Variants in SHLD1 observed in about 807,000 individuals in gnomAD.
SHLD1 encodes the protein RINN1-REV7-interacting novel NHEJ regulator 3.
A neutral mutation model predicts 5.5 loss-of-function variants in SHLD1; 3 were observed. The ratio of observed to expected loss-of-function variants is 0.54; its 90% CI spans 0.25 to 1.40. The LOEUF (loss-of-function observed/expected upper bound fraction) is 1.40. SHLD1 is among the 40% of genes most tolerant of loss of function. The pLI is 0.15. For missense variants in SHLD1, 210 were observed against 244.4 expected (o/e 0.86, Z 0.94); for synonymous variants, 92 against 94.3 (o/e 0.98, Z 0.14).
chr20:5,763,220 C>T (rs1054270534), intron 1 of SHLD1, among the ~76,000 whole-genome samples: 4 of 141,122 alleles, frequency 2.8e-5, no homozygotes, highest in Non-Finnish European at 6.0e-5. Context: ...GCAGGAGAAT[C>T]GCTTGAACCT....
intron 2 of SHLD1, among the ~76,000 whole-genome samples, chr20:5,826,810 G>T (rs2087670863): frequency 1.3e-5 from 2 of 152,170 alleles, no homozygotes; most frequent in South Asian, 4.1e-4. Context: ...TGGGTTAAAT[G>T]AATTCTGTGA....
At chr20:5,823,216 T>C (rs557996899) in intron 2 of SHLD1, among the ~76,000 whole-genome samples, 1 of 152,158 alleles carries the variant, frequency 6.6e-6, no homozygotes, top group African/African-American at 2.4e-5. Flanking sequence ...GGCTGCTGTT[T>C]CTCATCCTCC....
At chr20:5,860,992 A>C (rs942295958) in intron 2 of SHLD1, among the ~76,000 whole-genome samples, 1 of 151,498 alleles carries the variant, frequency 6.6e-6, no homozygotes, top group Admixed American at 6.6e-5. Flanking sequence ...TTTTTTACAA[A>C]GCGTGTTCTC....
intron 2 of SHLD1, among the ~76,000 whole-genome samples, chr20:5,828,048 T>G (rs1294715): frequency 0.19 from 28,498 of 152,186 alleles, 3,035 homozygotes; most frequent in Non-Finnish European, 0.23. Context: ...AAAGGTGGTG[T>G]TAGTTATAAA....
At chr20:5,808,531 G>A (rs2087415001) in intron 2 of SHLD1, among the ~76,000 whole-genome samples, 1 of 152,124 alleles carries the variant, frequency 6.6e-6, no homozygotes. Context: ...AAGGCAGCTT[G>A]CCATGTTGGT....
intron 1 of SHLD1, among the ~76,000 whole-genome samples, chr20:5,762,469 G>A (rs1020288827): frequency 3.3e-5 from 5 of 152,074 alleles, no homozygotes; most frequent in Non-Finnish European, 4.4e-5. Flanking sequence ...TGATGTAGAG[G>A]GGTGAGCTTT....
intron 2 of SHLD1, among the ~76,000 whole-genome samples, chr20:5,825,116 G>A (rs747584017): frequency 1.3e-5 from 2 of 152,188 alleles, no homozygotes; most frequent in African/African-American, 2.4e-5. Context: ...AACAAGTGTC[G>A]TCGGCTGACT....
intron 2 of SHLD1, among the ~76,000 whole-genome samples, chr20:5,812,074 T>TC (rs1166995876): frequency 6.7e-6 from 1 of 150,072 alleles, no homozygotes. Flanking sequence ...TTTTTCTTTT[T>TC]TTTTTCTTTT....
intron 2 of SHLD1, among the ~76,000 whole-genome samples, chr20:5,841,193 G>A (rs1427084694): frequency 6.6e-6 from 1 of 151,826 alleles, no homozygotes; most frequent in African/African-American, 2.4e-5. Context: ...GTGTGTGTGT[G>A]TGTGTGTGTG....
At chr20:5,846,458 C>T (rs2087933938) in intron 2 of SHLD1, among the ~76,000 whole-genome samples, 1 of 152,216 alleles carries the variant, frequency 6.6e-6, no homozygotes, top group Non-Finnish European at 1.5e-5. Flanking sequence ...AGCAATGTTG[C>T]CATAGCAACC....
chr20:5,842,977 C>T (rs1286987960), intron 2 of SHLD1, among the ~76,000 whole-genome samples: 1 of 152,118 alleles, frequency 6.6e-6, no homozygotes, highest in African/African-American at 2.4e-5. Flanking sequence ...ATTGTGTTAA[C>T]GCCAATATCT....
At chr20:5,828,993 C>A (rs952416328) in intron 2 of SHLD1, among the ~76,000 whole-genome samples, 5 of 152,178 alleles carry the variant, frequency 3.3e-5, no homozygotes, top group African/African-American at 1.2e-4. Context: ...CCCACCTCAG[C>A]CTCCTGAGTA....
chr20:5,784,506 A>T (rs571962489), intron 2 of SHLD1, among the ~76,000 whole-genome samples: 2 of 151,876 alleles, frequency 1.3e-5, no homozygotes, highest in Non-Finnish European at 2.9e-5. Context: ...GCTGGAGTGC[A>T]GTGGCGCGAT....
At position 5,806,473 on chromosome 20, in the gene SHLD1, C is replaced by CT. The variant is rs1343525322; in HGVS notation, c.178+33430_178+33431insT. Reference sequence around the variant, plus strand: ...GTGGGGAAGTGGATTATCTGCAATACATGCCTTGTGTTCATTTCCTCTCCT... The same window carrying CT: ...GTGGGGAAGTGGATTATCTGCAATACTATGCCTTGTGTTCATTTCCTCTCCT... On this transcript the variant is annotated intron_variant, in intron 2 of 2. Transcript: ENST00000303142. The surrounding 1 kb of genome is among the most constrained non-coding windows in gnomAD (Gnocchi z 7.6). 6.6e-6 allele frequency among the ~76,000 whole-genome samples: 1 copy of CT among 152,236 alleles called. No homozygotes were observed. Among genetic ancestry groups the CT allele is most frequent in the Non-Finnish European group, 1.5e-5 (1 of 68,044 alleles).
chr20:5,806,688 A>G lies in SHLD1; in HGVS notation c.178+33645A>G, dbSNP rs1013380593. On this transcript the variant is annotated intron_variant, in intron 2 of 2. Coordinates refer to ENST00000303142, the MANE Select transcript of SHLD1 (RefSeq NM_152504.4). This position sits in a 1 kb window ranked among gnomAD's most constrained non-coding sequence, Gnocchi z 7.6. Reference sequence around the variant, plus strand: ...CAGAGAGATTCAGCATCACCATGTCATTGCAGAATGAAGGGAGAGTTGGCT... The same window carrying G: ...CAGAGAGATTCAGCATCACCATGTCGTTGCAGAATGAAGGGAGAGTTGGCT... Among the ~76,000 whole-genome samples, 3 of 152,240 alleles carry G rather than the reference A, an allele frequency of 2.0e-5. No homozygotes were observed. The South Asian group carries it at 6.2e-4, about 32-fold the overall frequency.
chr20:5,777,697 T>C (rs527611219), intron 2 of SHLD1, among the ~76,000 whole-genome samples: 1 of 151,412 alleles, frequency 6.6e-6, no homozygotes, highest in South Asian at 2.1e-4. Flanking sequence ...AACCTCTCAG[T>C]GTTGGGATTA....
intron 2 of SHLD1, among the ~76,000 whole-genome samples, chr20:5,841,086 A>G (rs558900943): frequency 6.6e-6 from 1 of 152,278 alleles, no homozygotes; most frequent in South Asian, 2.1e-4. Context: ...GCCTTAGGAT[A>G]GTGGTTACCA....
chr20:5,784,998 G>GT (rs1375216066), intron 2 of SHLD1, among the ~76,000 whole-genome samples: 1 of 152,178 alleles, frequency 6.6e-6, no homozygotes. Context: ...GTGACCTCAT[G>GT]TTCTGGCCTG....
In SHLD1 at chr20:5,818,858, C is replaced by CCTCTG. The variant is rs1240522238; in HGVS notation, c.179-44166_179-44165insCTCTG. On this transcript the variant is annotated intron_variant, in intron 2 of 2. Transcript: ENST00000303142. The stretch of plus-strand genomic sequence containing the variant: ...CCTGGATCCTGCCATGCAGTGTCCA[C>CCTCTG]TTCTGTTTTGTTTTGTTTTGTTGAG... 7.1e-3 allele frequency among the ~76,000 whole-genome samples: 1,073 copies of CCTCTG among 152,108 alleles called. 8 individuals are homozygous for CCTCTG. The highest frequency in any genetic ancestry group is 0.025 in the African/African-American group (1,041 of 41,488).
Sources: gnomAD v4.1 joint callset for allele counts (sites outside exome capture counted in the v4.1 genomes callset) on GRCh38, gnomAD v4.1.1 for gene constraint, Gnocchi (gnomAD v3.1) non-coding constraint, MANE v1.5 for transcripts, NCBI Gene and HGNC (gene_info 2026-07-23, HGNC 2026-07-21) for gene names.